The following TALDO1 variants were observed in gnomAD, a reference collection of about 807,000 sequenced individuals.
TALDO1 encodes the protein transaldolase.
In TALDO1, 29 loss-of-function variants were observed where a neutral mutation model predicts 38.1. The ratio of observed to expected loss-of-function variants is 0.76; its 90% CI spans 0.57 to 1.04. The LOEUF is 1.04. Among genes scored for constraint, TALDO1 ranks in the 50% least tolerant of loss-of-function variants. The pLI is 0.00. For missense variants in TALDO1, 499 were observed against 438.1 expected (o/e 1.14, Z -1.24); for synonymous variants, 207 against 176.8 (o/e 1.17, Z -1.36).
Position 763,349 on chromosome 11 carries a change from T to C in TALDO1, c.467T>C (p.Leu156Pro). Residue 156 changes from leucine to proline, a missense_variant, in exon 5 of 8, where the codon CTC becomes CCC. Leu to Pro is a moderately conservative substitution (Grantham distance 98). Transcript: ENST00000319006. ...TWEGIQAGKE[L>P]EEQHGIHCNM... Reference sequence around the variant, plus strand: ...CACCTGTCCCCGCCCCGCAGGGAGCTCGAGGAGCAGCACGGCATCCACTGC... The same window carrying C: ...CACCTGTCCCCGCCCCGCAGGGAGCCCGAGGAGCAGCACGGCATCCACTGC... 6.4e-7 allele frequency: 1 copy of C among 1,571,346 alleles called. No homozygotes were observed. The highest frequency in any genetic ancestry group is 8.7e-7 in the Non-Finnish European group (1 of 1,155,738).
rs1273427129 is a variant in TALDO1, at chr11:760,134, T to A, written c.342T>A (p.Asp114Glu). The change falls in exon 4 of 8, where the codon GAT becomes GAA. Residue 114 changes from aspartate (D) to glutamate (E), a missense_variant. By Grantham distance (45) the Asp-to-Glu change is conservative. Coordinates refer to ENST00000319006, the MANE Select transcript of TALDO1 (RefSeq NM_006755.2). The part of the protein sequence containing the change: ...STEVDARLSF[D>E]KDAMVARARR... ...CTTGCTCCTACAGGCTCTCCTTTGATAAAGATGCGATGGTGGCCAGAGCCA... is the reference window on the plus strand; with the variant it reads ...CTTGCTCCTACAGGCTCTCCTTTGAAAAAGATGCGATGGTGGCCAGAGCCA... The A allele has an allele frequency of 1.9e-6, 3 of 1,614,066 alleles. No homozygotes were observed. The Admixed American group carries it at 5.0e-5, about 27-fold the overall frequency.
chr11:756,164 C>A, intron 2 of TALDO1, 162 bp downstream of exon 2: 1 of 1,036,112 alleles, frequency 9.7e-7, no homozygotes, highest in Non-Finnish European at 1.4e-6. Context: ...GTGTAATCTG[C>A]ATGAAGTAAC....
chr11:760,342 T>C (rs1046000040), intron 4 of TALDO1, 89 bp downstream of exon 4: 3 of 1,585,940 alleles, frequency 1.9e-6, no homozygotes, highest in Non-Finnish European at 2.6e-6. Flanking sequence ...TTTGACTCTC[T>C]CAGCCCTGGG....
At position 747,613 on chromosome 11, in the gene TALDO1, C is replaced by G. The variant is rs751229781; in HGVS notation, c.97+35C>G. 11 of 1,529,158 alleles carry G rather than the reference C, an allele frequency of 7.2e-6. No individual in the cohort carries two copies. In the South Asian group the frequency reaches 1.2e-4, roughly 17 times the overall value. 94.7% of individuals were successfully genotyped at this position (1,529,158 alleles called of 1,614,324 possible). The stretch of plus-strand genomic sequence containing the variant: ...GCGCGGAGCCCGGGCGCGGCGCAAG[C>G]GCCCTCCAGAGGCCCCGGCGCCCCG... On this transcript the variant is annotated intron_variant, in intron 1 of 7. Transcript: ENST00000319006.
Position 755,949 on chromosome 11 carries a change from C to G in TALDO1, c.168C>G (p.Pro56=). Reference sequence around the variant, plus strand: ...TGATCCTGGCCGCAGCACAGATGCCCGCTTACCAGGAGCTGGTGGAGGAGG... The same window carrying G: ...TGATCCTGGCCGCAGCACAGATGCCGGCTTACCAGGAGCTGGTGGAGGAGG... ...PSLILAAAQM[P]AYQELVEEAI... Residue 56 remains proline (P), a synonymous_variant, in exon 2 of 8, where the codon CCC becomes CCG. Coordinates refer to ENST00000319006, the MANE Select transcript of TALDO1 (RefSeq NM_006755.2). The G allele has an allele frequency of 6.2e-7, 1 of 1,614,084 alleles. No individual in the cohort carries two copies. Among genetic ancestry groups the G allele is most frequent in the South Asian group, 1.1e-5 (1 of 91,072 alleles).
intron 2 of TALDO1, among the ~76,000 whole-genome samples, chr11:756,512 ATT>A (rs34721664): frequency 0.03 from 3,477 of 115,344 alleles, 115 homozygotes; most frequent in African/African-American, 0.096. Flanking sequence ...TCATTTTTGT[ATT>A]TTTTTTTTTT....
At position 760,134 on chromosome 11, in the gene TALDO1, T is replaced by TA. The variant is rs1225017488; in HGVS notation, c.345dup (p.Asp116ArgfsTer80). ...CTTGCTCCTACAGGCTCTCCTTTGA[T>TA]AAAGATGCGATGGTGGCCAGAGCCA... is the stretch of plus-strand genomic sequence containing the variant. On this transcript the variant is annotated frameshift_variant, in exon 4 of 8. Transcript: ENST00000319006. LOFTEE classifies it high-confidence loss of function. 2.5e-6 allele frequency: 4 copies of TA among 1,613,948 alleles called. No homozygotes were observed. Among genetic ancestry groups the TA allele is most frequent in the Non-Finnish European group, 3.4e-6 (4 of 1,179,986 alleles).
At chr11:751,040 A>G (rs1365844001) in intron 1 of TALDO1, among the ~76,000 whole-genome samples, 1 of 152,008 alleles carries the variant, frequency 6.6e-6, no homozygotes, top group African/African-American at 2.4e-5. Flanking sequence ...AGAATAAAGA[A>G]TCCTTGGGTT....
chr11:760,100 T>TG, intron 3 of TALDO1, 22 bp from the exon 4 acceptor site: 2 of 1,613,408 alleles, frequency 1.2e-6, no homozygotes, highest in Non-Finnish European at 1.7e-6. Context: ...TCTGAGGGGA[T>TG]GGGTTCTTCT....
chr11:759,170 C>A lies in TALDO1; in HGVS notation c.329+113C>A, dbSNP rs1309959728. On this transcript the variant is annotated intron_variant, in intron 3 of 7. Transcript: ENST00000319006. ...CCACCCATGGTCTTCATCCCAAGGG[C>A]CCAAGAGGAGGTTTATTTTGAGCTC... The A allele has an allele frequency of 6.7e-6, 6 of 897,768 alleles. No individual in the cohort carries two copies. The East Asian group carries it at 1.6e-4, about 23-fold the overall frequency. 55.6% of individuals were successfully genotyped at this position (897,768 alleles called of 1,614,324 possible). A position where few individuals can be genotyped will look rare whatever the true frequency, so the allele number is the denominator to read the frequency against.
chr11:760,284 C>CA (rs753201522), intron 4 of TALDO1, 31 bp downstream of exon 4: 11 of 1,612,256 alleles, frequency 6.8e-6, no homozygotes, highest in Non-Finnish European at 7.6e-6. Flanking sequence ...AAGGAGCTCT[C>CA]AGAGATTTTT....
intron 6 of TALDO1, 141 bp downstream of exon 6, chr11:764,085 G>A (rs2133583395): frequency 7.4e-7 from 1 of 1,345,558 alleles, no homozygotes; most frequent in Non-Finnish European, 1.0e-6. Context: ...CTCAACGGAG[G>A]GCTTGGCTTT....
intron 1 of TALDO1, among the ~76,000 whole-genome samples, chr11:750,340 A>G (rs1862729338): frequency 6.6e-6 from 1 of 152,134 alleles, no homozygotes; most frequent in African/African-American, 2.4e-5. Context: ...AGAAAAAAAA[A>G]TAGCCAGGCG....
At chr11:760,348 C>T (rs1344561686) in intron 4 of TALDO1, 95 bp downstream of exon 4, 2 of 1,573,678 alleles carry the variant, frequency 1.3e-6, no homozygotes, top group Non-Finnish European at 1.7e-6. Context: ...TCTCTCAGCC[C>T]TGGGGAATGC....
chr11:763,768 TCTA>T lies in TALDO1; in HGVS notation c.661_663del (p.Tyr221del). Reference sequence around the variant, plus strand: ...CCAGGGGTAAAGAGTGTCACTAAAATCTACAACTACTACAAGAAGTTTAGCTAC... The same window carrying T: ...CCAGGGGTAAAGAGTGTCACTAAAATCAACTACTACAAGAAGTTTAGCTAC... On this transcript the variant is annotated inframe_deletion, in exon 6 of 8. Transcript: ENST00000319006. 1 of 1,614,010 alleles carries T rather than the reference TCTA, an allele frequency of 6.2e-7. No individual in the cohort carries two copies. The highest frequency in any genetic ancestry group is 2.2e-5 in the East Asian group (1 of 44,882).
chr11:760,362 A>C, intron 4 of TALDO1, 109 bp downstream of exon 4: 1 of 1,526,312 alleles, frequency 6.6e-7, no homozygotes. Flanking sequence ...GGAATGCCAG[A>C]CTGGGGAGCA....
intron 1 of TALDO1, among the ~76,000 whole-genome samples, chr11:753,807 T>A (rs989060206): frequency 6.6e-6 from 1 of 151,628 alleles, no homozygotes; most frequent in Non-Finnish European, 1.5e-5. Context: ...CTGAGGACGC[T>A]GAGGTAGGAG....
chr11:764,521 A>G, intron 7 of TALDO1, 88 bp downstream of exon 7: 1 of 1,560,024 alleles, frequency 6.4e-7, no homozygotes, highest in Non-Finnish European at 8.7e-7. Context: ...CAGAGTTAAA[A>G]CTTTGGTGAG....
intron 1 of TALDO1, among the ~76,000 whole-genome samples, 196 bp downstream of exon 1, chr11:747,774 G>A (rs1381761152): frequency 6.6e-6 from 1 of 152,080 alleles, no homozygotes; most frequent in Non-Finnish European, 1.5e-5. Context: ...CGGGTCGGCC[G>A]TGAGAGGCGC....
Sources: gnomAD v4.1 joint callset for allele counts (sites outside exome capture counted in the v4.1 genomes callset) on GRCh38, gnomAD v4.1.1 for gene constraint, MANE v1.5 for transcripts, NCBI Gene and HGNC (gene_info 2026-07-23, HGNC 2026-07-21) for gene names.